PRKX: variants seen among roughly 807,000 people sequenced by gnomAD.
The protein encoded by PRKX is protein kinase cAMP-dependent X-linked catalytic subunit, also known as cAMP-dependent protein kinase catalytic subunit PRKX.
Under a neutral mutation model 22.0 loss-of-function variants are expected in PRKX, and 12 were observed. The observed-to-expected ratio is 0.54, with a 90% CI of 0.35 to 0.88. PRKX has a LOEUF of 0.88. PRKX is among the 40% of genes least tolerant of loss of function. The pLI, the probability that PRKX is intolerant of heterozygous loss-of-function variation, is 0.01. For synonymous variants in PRKX, 134 were observed against 137.7 expected, an observed-to-expected ratio of 0.97 and a Z score of 0.19; for missense variants, 217 against 308.0, an observed-to-expected ratio of 0.70 and a Z score of 2.21.
intron 2 of PRKX, among the ~76,000 whole-genome samples, chrX:3,668,714 T>C (rs1927786426): frequency 8.9e-6 from 1 of 111,895 alleles, no homozygotes; most frequent in Non-Finnish European, 1.9e-5. Flanking sequence ...CCAAACCCAC[T>C]GGCTTGGCTC....
chrX:3,618,897 T>C (rs1484352388), intron 6 of PRKX, among the ~76,000 whole-genome samples: 5 of 111,855 alleles, frequency 4.5e-5, no homozygotes, highest in East Asian at 5.6e-4. Context: ...AAAACAGGAC[T>C]CGTCCAATCT....
rs935158320 is a variant in PRKX, at chrX:3,607,194, C to T, written c.*1775G>A. On this transcript the variant is annotated 3_prime_UTR_variant, in exon 9 of 9. Coordinates refer to ENST00000262848, the MANE Select transcript of PRKX (RefSeq NM_005044.5). Reference sequence around the variant, plus strand: ...ATGATTTATTTTTATAGTCAGCAAACATGAGACTTAAAAGCTTTTCCTTCT... The same window carrying T: ...ATGATTTATTTTTATAGTCAGCAAATATGAGACTTAAAAGCTTTTCCTTCT... 2.7e-5 allele frequency: 3 copies of T among 111,959 alleles called. No individual in the cohort carries two copies. The highest frequency in any genetic ancestry group is 5.6e-5 in the Non-Finnish European group (3 of 53,302). 9.2% of individuals were successfully genotyped at this position (111,959 alleles called of 1,213,427 possible).
At chrX:3,636,443 A>G (rs1220587499) in intron 4 of PRKX, among the ~76,000 whole-genome samples, 1 of 112,875 alleles carries the variant, frequency 8.9e-6, no homozygotes, top group Non-Finnish European at 1.9e-5. Flanking sequence ...CAGAGCTGCT[A>G]ATCAGTATAA....
intron 2 of PRKX, among the ~76,000 whole-genome samples, chrX:3,674,239 C>T (rs1196539258): frequency 9.0e-6 from 1 of 111,204 alleles, no homozygotes; most frequent in Non-Finnish European, 1.9e-5. Context: ...TAAAAACCAA[C>T]TTAACCAGTT....
At chrX:3,648,635 T>TGCGCGC (rs754328269) in intron 3 of PRKX, among the ~76,000 whole-genome samples, 4 of 105,961 alleles carry the variant, frequency 3.8e-5, no homozygotes, top group African/African-American at 1.4e-4. Context: ...TGTGTGTGTG[T>TGCGCGC]GTGTGTGTGT....
chrX:3,646,609 A>G (rs1927193195), intron 3 of PRKX, among the ~76,000 whole-genome samples: 1 of 111,760 alleles, frequency 8.9e-6, no homozygotes, highest in Admixed American at 9.5e-5. Flanking sequence ...CTCATGGTGA[A>G]AATACTACAT....
In PRKX at chrX:3,605,549, AAC is replaced by A. The variant is rs1168573539; in HGVS notation, c.*3418_*3419del. ...AAAGAATTAGAGGCCATGTAGGTCA[AAC>A]ACAGAAATGGCGAACACATCCCAAA... On this transcript the variant is annotated 3_prime_UTR_variant, in exon 9 of 9. Coordinates refer to ENST00000262848, the MANE Select transcript of PRKX (RefSeq NM_005044.5). 8.8e-6 allele frequency: 1 copy of A among 113,101 alleles called. No homozygotes were observed. Among genetic ancestry groups the A allele is most frequent in the African/African-American group, 3.2e-5 (1 of 31,030 alleles). 9.3% of individuals were successfully genotyped at this position (113,101 alleles called of 1,213,427 possible). A position where few individuals can be genotyped will look rare whatever the true frequency, so the allele number is the denominator to read the frequency against.
chrX:3,643,365 G>C, intron 3 of PRKX, among the ~76,000 whole-genome samples: 1 of 111,780 alleles, frequency 8.9e-6, no homozygotes, highest in Non-Finnish European at 1.9e-5. Flanking sequence ...CTGCATTTTG[G>C]TTACAGAAGA....
chrX:3,689,601 G>GC (rs1363567437), intron 1 of PRKX, among the ~76,000 whole-genome samples: 2 of 111,874 alleles, frequency 1.8e-5, no homozygotes, highest in African/African-American at 6.5e-5. Context: ...GATCACTTGA[G>GC]CCCAGGAGTT....
At chrX:3,712,723 GC>G (rs942973305) in intron 1 of PRKX, among the ~76,000 whole-genome samples, 9 of 112,581 alleles carry the variant, frequency 8.0e-5, no homozygotes, top group African/African-American at 2.9e-4. Context: ...TGGGGCCGCT[GC>G]CAGGGAGGGA....
intron 6 of PRKX, among the ~76,000 whole-genome samples, chrX:3,620,647 C>T (rs769663387): frequency 5.3e-4 from 60 of 112,342 alleles, no homozygotes; most frequent in African/African-American, 1.8e-3. Context: ...TTGTGAACTG[C>T]GCAACTAAGG....
intron 1 of PRKX, among the ~76,000 whole-genome samples, chrX:3,682,039 G>A (rs1417427341): frequency 6.3e-5 from 7 of 111,599 alleles, no homozygotes; most frequent in African/African-American, 2.3e-4. Flanking sequence ...CACAGGGACC[G>A]TGACATGGAA....
intron 2 of PRKX, among the ~76,000 whole-genome samples, chrX:3,660,865 T>A (rs1386131827): frequency 9.2e-6 from 1 of 108,864 alleles, no homozygotes; most frequent in Non-Finnish European, 1.9e-5. Flanking sequence ...GGGCTTTGTA[T>A]CAAATGAGAA....
intron 3 of PRKX, among the ~76,000 whole-genome samples, chrX:3,647,158 T>A (rs1927205514): frequency 9.1e-6 from 1 of 109,604 alleles, no homozygotes; most frequent in Non-Finnish European, 1.9e-5. Flanking sequence ...ACTTATAATC[T>A]AAACACTAAA....
chrX:3,689,838 G>A (rs1177514285), intron 1 of PRKX, among the ~76,000 whole-genome samples: 1 of 111,531 alleles, frequency 9.0e-6, no homozygotes, highest in African/African-American at 3.3e-5. Context: ...TTAGCCGAGT[G>A]TGGTGGCGGA....
At chrX:3,667,070 T>C (rs964124768) in intron 2 of PRKX, among the ~76,000 whole-genome samples, 1 of 111,367 alleles carries the variant, frequency 9.0e-6, no homozygotes, top group Non-Finnish European at 1.9e-5. Flanking sequence ...AAAGAGTCAA[T>C]GTCGTCAACA....
intron 1 of PRKX, among the ~76,000 whole-genome samples, chrX:3,702,585 A>C (rs7062535): frequency 0.011 from 1,157 of 104,886 alleles, 21 homozygotes; most frequent in African/African-American, 0.037. Context: ...TGCGTGAGAC[A>C]ACTTCCTTTT....
Position 3,608,494 on chromosome X carries a change from T to C in PRKX, c.*475A>G, listed in dbSNP as rs1450912483. 8 of 109,289 alleles carry C rather than the reference T, an allele frequency of 7.3e-5. No individual in the cohort carries two copies. The highest frequency in any genetic ancestry group is 4.0e-4 in the Admixed American group (4 of 9,955). The allele number at this position is 109,289 out of a possible 1,213,427, so 9.0% of individuals were successfully genotyped here. On this transcript the variant is annotated 3_prime_UTR_variant, in exon 9 of 9. Coordinates refer to ENST00000262848, the MANE Select transcript of PRKX (RefSeq NM_005044.5). ...AAAACAAATTGAAAAATAAAAATTA[T>C]AGGCTCTGTAAAGTATGAACATTTA...
rs1259735500 is a variant in PRKX, at chrX:3,682,007, C to T, written c.167-7241G>A. The stretch of plus-strand genomic sequence containing the variant: ...AATTTTGCTAGAACTCAAAACACTT[C>T]AGGAGAGCTGTATGGAATAAACACA... On this transcript the variant is annotated intron_variant, in intron 1 of 8. Coordinates refer to ENST00000262848, the MANE Select transcript of PRKX (RefSeq NM_005044.5). Among the ~76,000 whole-genome samples, 381 of 111,571 alleles carry T rather than the reference C, an allele frequency of 3.4e-3. 1 individual carries two copies. The highest frequency in any genetic ancestry group is 0.012 in the African/African-American group (353 of 30,660).
Sources: allele counts gnomAD v4.1 joint callset (sites outside exome capture counted in the v4.1 genomes callset), GRCh38; gene constraint gnomAD v4.1.1; transcripts MANE v1.5; gene names NCBI Gene and HGNC (gene_info 2026-07-23, HGNC 2026-07-21).